BCAS4: variants seen among roughly 807,000 people sequenced by gnomAD.
BCAS4 encodes breast carcinoma amplified sequence 4, also known as breast carcinoma-amplified sequence 4.
A neutral mutation model predicts 15.7 loss-of-function variants in BCAS4; 9 were observed. The observed-to-expected ratio is 0.57, with a 90% confidence interval of 0.34 to 1.00. The LOEUF (loss-of-function observed/expected upper bound fraction) is 1.00. BCAS4 is among the 50% of genes least tolerant of loss of function. BCAS4 has a pLI of 0.02. For missense variants in BCAS4, 225 were observed against 239.1 expected (o/e 0.94, Z 0.39); for synonymous variants, 101 against 99.5 (o/e 1.02, Z -0.09).
At chr20:50,852,346 G>T (rs1227868997) in intron 4 of BCAS4, among the ~76,000 whole-genome samples, 1 of 151,968 alleles carries the variant, frequency 6.6e-6, no homozygotes, top group Non-Finnish European at 1.5e-5. Flanking sequence ...GAGTGGCCAG[G>T]CCTTGCGCTT....
In BCAS4 at chr20:50,818,245, T is replaced by C. The variant is rs2088165202; in HGVS notation, c.125T>C (p.Leu42Pro). ...KEVEETIEGM[L>P]LRLEEFCSLA... is the part of the protein sequence containing the mutation. ...GTGGAGGAGACCATCGAGGGCATGC[T>C]CCTCAGGCTGGAAGAGTTTTGCAGC... The change falls in exon 2 of 5, where the codon CTC becomes CCC. Residue 42 changes from leucine (L) to proline (P), a missense_variant. Transcript: ENST00000371608. The C allele has an allele frequency of 6.2e-7, 1 of 1,613,818 alleles. No individual in the cohort carries two copies. The highest frequency in any genetic ancestry group is 2.2e-5 in the East Asian group (1 of 44,876).
intron 3 of BCAS4, among the ~76,000 whole-genome samples, chr20:50,832,261 C>A (rs2088352353): frequency 2.0e-5 from 3 of 149,404 alleles, no homozygotes; most frequent in Admixed American, 2.0e-4. Flanking sequence ...GAAAACAACA[C>A]ACTTTTTTTT....
chr20:50,817,521 GGT>G (rs983707384), intron 1 of BCAS4, among the ~76,000 whole-genome samples: 30 of 152,218 alleles, frequency 2.0e-4, no homozygotes, highest in African/African-American at 6.5e-4. Flanking sequence ...AGAGTGCAGT[GGT>G]GCAATCTTGG....
chr20:50,868,730 C>G, intron 4 of BCAS4, among the ~76,000 whole-genome samples: 1 of 152,344 alleles, frequency 6.6e-6, no homozygotes, highest in Middle Eastern at 3.4e-3. Context: ...CCTTTCATTT[C>G]ATTATCTAAA....
intron 2 of BCAS4, among the ~76,000 whole-genome samples, chr20:50,827,608 T>C (rs1568664997): frequency 6.6e-6 from 1 of 152,250 alleles, no homozygotes; most frequent in Non-Finnish European, 1.5e-5. Flanking sequence ...TCTGTGTCCC[T>C]TGGGTAAGCC....
At position 50,831,573 on chromosome 20, in the gene BCAS4, TC is replaced by T. The variant is rs145123302; in HGVS notation, c.264+1195del. ...CTAAGATGCATGGCATCTCATTTCC[TC>T]CTTGTTGCACTGCAGTCAGTCCCCT... On this transcript the variant is annotated intron_variant, in intron 3 of 4. Coordinates refer to ENST00000371608, the MANE Select transcript of BCAS4 (RefSeq NM_198799.4). Among the ~76,000 whole-genome samples, 397 of 152,190 alleles carry T rather than the reference TC, an allele frequency of 2.6e-3. 1 individual carries two copies. Among genetic ancestry groups the T allele is most frequent in the African/African-American group, 9.0e-3 (375 of 41,506 alleles).
chr20:50,827,260 G>A (rs1383016843), intron 2 of BCAS4, among the ~76,000 whole-genome samples: 2 of 152,176 alleles, frequency 1.3e-5, no homozygotes, highest in African/African-American at 2.4e-5. Flanking sequence ...CAGGTGTTTC[G>A]TAGAAGGTCC....
At chr20:50,852,072 T>C (rs985360123) in intron 4 of BCAS4, among the ~76,000 whole-genome samples, 1 of 152,326 alleles carries the variant, frequency 6.6e-6, no homozygotes, top group East Asian at 1.9e-4. Flanking sequence ...ACTTGGTTCA[T>C]CCCCAGGCCA....
intron 2 of BCAS4, among the ~76,000 whole-genome samples, chr20:50,823,708 C>T (rs541725110): frequency 5.3e-5 from 8 of 152,256 alleles, no homozygotes; most frequent in African/African-American, 1.7e-4. Context: ...CACAAGAATA[C>T]ATTCTGTGCG....
At chr20:50,841,099 G>A (rs2088475203) in intron 3 of BCAS4, among the ~76,000 whole-genome samples, 1 of 152,164 alleles carries the variant, frequency 6.6e-6, no homozygotes, top group South Asian at 2.1e-4. Flanking sequence ...CAAAGTGCTG[G>A]GATTACAGGC....
At chr20:50,863,426 T>C (rs146295231) in intron 4 of BCAS4, among the ~76,000 whole-genome samples, 1 of 151,574 alleles carries the variant, frequency 6.6e-6, no homozygotes, top group Non-Finnish European at 1.5e-5. Context: ...CCTGGCTATT[T>C]TTTGTATTTT....
intron 3 of BCAS4, among the ~76,000 whole-genome samples, chr20:50,836,785 T>G (rs1049301734): frequency 6.6e-5 from 10 of 152,174 alleles, no homozygotes; most frequent in African/African-American, 2.4e-4. Context: ...AGTGCAGTGG[T>G]GCAGTCACAC....
intron 4 of BCAS4, among the ~76,000 whole-genome samples, chr20:50,871,230 G>T (rs1446501460): frequency 1.3e-5 from 2 of 152,210 alleles, no homozygotes; most frequent in Non-Finnish European, 2.9e-5. Flanking sequence ...CAGCTCCAGT[G>T]CTCCCTCCCT....
downstream of BCAS4, chr20:50,881,607 C>G (rs1980117705): frequency 6.6e-6 from 1 of 151,926 alleles, no homozygotes; most frequent in Non-Finnish European, 1.5e-5. Flanking sequence ...GAAAAATACC[C>G]TGAGATTTTT....
chr20:50,801,227 G>C (rs1377107277), intron 1 of BCAS4, among the ~76,000 whole-genome samples: 2 of 152,220 alleles, frequency 1.3e-5, no homozygotes, highest in East Asian at 3.9e-4. Context: ...AGGAGTTCGA[G>C]ACCAGGATGG....
chr20:50,841,935 C>G, intron 4 of BCAS4, 35 bp downstream of exon 4: 6 of 1,529,962 alleles, frequency 3.9e-6, no homozygotes, highest in Non-Finnish European at 5.3e-6. Flanking sequence ...AGGGGAGGGC[C>G]TCTCCCCCTT....
chr20:50,873,763 C>T (rs1979774973), intron 4 of BCAS4, among the ~76,000 whole-genome samples: 1 of 152,194 alleles, frequency 6.6e-6, no homozygotes, highest in Non-Finnish European at 1.5e-5. Flanking sequence ...TCTCCCGAGT[C>T]ATCCCCTGAG....
chr20:50,879,119 CTG>C (rs1486312417), downstream of BCAS4: 2 of 152,336 alleles, frequency 1.3e-5, no homozygotes, highest in Non-Finnish European at 2.9e-5. Context: ...TGCTGTGTCA[CTG>C]TAGATCATTC....
At chr20:50,815,970 T>C (rs2088131621) in intron 1 of BCAS4, among the ~76,000 whole-genome samples, 1 of 152,124 alleles carries the variant, frequency 6.6e-6, no homozygotes, top group Admixed American at 6.6e-5. Context: ...CAACAGAAAC[T>C]GGTATTTTAG....
Sources: gnomAD v4.1 joint callset for allele counts (sites outside exome capture counted in the v4.1 genomes callset) on GRCh38, gnomAD v4.1.1 for gene constraint, MANE v1.5 for transcripts, NCBI Gene and HGNC (gene_info 2026-07-23, HGNC 2026-07-21) for gene names.